Variants in AFAP1L2 observed in about 807,000 individuals in gnomAD.
AFAP1L2 encodes the protein actin filament-associated protein 1-like 2.
Under a neutral mutation model 99.3 loss-of-function variants are expected in AFAP1L2, and 46 were observed. The ratio of observed to expected loss-of-function variants is 0.46; its 90% CI spans 0.37 to 0.59. AFAP1L2 has a LOEUF of 0.59. Ranked by LOEUF, AFAP1L2 falls within the 20% of genes least tolerant of loss-of-function variation. The probability of loss-of-function intolerance (pLI) is 0.00; values close to 1 mark genes in which losing one functional copy is unlikely to be tolerated. For synonymous variants in AFAP1L2, 397 were observed against 419.1 expected, an observed-to-expected ratio of 0.95 and a Z score of 0.64; for missense variants, 959 against 1,034.9, an observed-to-expected ratio of 0.93 and a Z score of 1.01.
At chr10:114,318,786 C>A (rs1179063983) in intron 5 of AFAP1L2, among the ~76,000 whole-genome samples, 4 of 137,868 alleles carry the variant, frequency 2.9e-5, no homozygotes, top group Non-Finnish European at 4.8e-5. Flanking sequence ...CCTGGAGTAT[C>A]TTGGAGGAAA....
downstream of AFAP1L2, chr10:114,294,725 G>T: frequency 1.3e-6 from 1 of 758,942 alleles, no homozygotes. Context: ...TTCCTGCTAG[G>T]ATCCCATCTT....
At position 114,366,494 on chromosome 10, in the gene AFAP1L2, G is replaced by C. The variant is rs146366541; in HGVS notation, c.17-25763C>G. ...AAGACCAAAACCCGAGCCTGAAGAA[G>C]GAGGAAGAAAATATACTCCACACTT... On this transcript the variant is annotated intron_variant, in intron 1 of 18. Coordinates refer to ENST00000304129, the MANE Select transcript of AFAP1L2 (RefSeq NM_001001936.3). 1.4e-4 allele frequency among the ~76,000 whole-genome samples: 21 copies of C among 152,320 alleles called. No homozygotes were observed. The East Asian group carries it at 3.7e-3, about 27-fold the overall frequency.
At chr10:114,299,446 A>G (rs1366006546) in intron 15 of AFAP1L2, 31 bp from the exon 16 acceptor site, 1 of 1,612,748 alleles carries the variant, frequency 6.2e-7, no homozygotes, top group East Asian at 2.2e-5. Context: ...GCCCCAGGTA[A>G]GCAGAGCTGG....
intron 1 of AFAP1L2, chr10:114,362,874 C>A (rs1299495068): frequency 1.1e-6 from 1 of 891,318 alleles, no homozygotes; most frequent in Admixed American, 6.2e-5. Context: ...ACAAAAACTT[C>A]TGATTTGAAA....
At chr10:114,337,232 C>T (rs1330013994) in intron 2 of AFAP1L2, among the ~76,000 whole-genome samples, 2 of 152,212 alleles carry the variant, frequency 1.3e-5, no homozygotes, top group African/African-American at 2.4e-5. Context: ...CCCTCAGAGC[C>T]GTGTGCCCTC....
chr10:114,339,745 G>A lies in AFAP1L2; in HGVS notation c.145+858C>T, dbSNP rs372606221. The stretch of plus-strand genomic sequence containing the variant: ...AGAGGAGATTAAGGCCAGGCATGGT[G>A]GCTTACGCCTGTAATCCCAGCACTT... On this transcript the variant is annotated intron_variant, in intron 2 of 18. Coordinates refer to ENST00000304129, the MANE Select transcript of AFAP1L2 (RefSeq NM_001001936.3). 5.5e-4 allele frequency among the ~76,000 whole-genome samples: 84 copies of A among 152,204 alleles called. 1 individual carries two copies. Among genetic ancestry groups the A allele is most frequent in the African/African-American group, 1.9e-3 (78 of 41,452 alleles).
intron 2 of AFAP1L2, among the ~76,000 whole-genome samples, chr10:114,333,953 C>G (rs1237237929): frequency 6.6e-6 from 1 of 152,188 alleles, no homozygotes; most frequent in Non-Finnish European, 1.5e-5. Flanking sequence ...GTCTGAATTA[C>G]TTGAATGGGC....
intron 1 of AFAP1L2, among the ~76,000 whole-genome samples, chr10:114,370,902 C>T (rs2054003579): frequency 1.3e-5 from 2 of 152,168 alleles, no homozygotes; most frequent in Admixed American, 1.3e-4. Context: ...CCATAAATCC[C>T]ATGTAACCGT....
the AFAP1L2 span, among the ~76,000 whole-genome samples, chr10:114,284,336 T>C: frequency 6.6e-6 from 1 of 152,140 alleles, no homozygotes; most frequent in Non-Finnish European, 1.5e-5. Flanking sequence ...ACAGAACAAG[T>C]TCAGTTCCCA....
At chr10:114,303,147 G>A (rs555121072) in intron 11 of AFAP1L2, among the ~76,000 whole-genome samples, 48 of 152,080 alleles carry the variant, frequency 3.2e-4, no homozygotes, top group African/African-American at 1.1e-3. Flanking sequence ...CCTTTATAAT[G>A]AGAAAAAACT....
At chr10:114,323,302 T>C in intron 4 of AFAP1L2, 41 bp from the exon 5 acceptor site, 1 of 1,522,502 alleles carries the variant, frequency 6.6e-7, no homozygotes, top group Non-Finnish European at 8.9e-7. Flanking sequence ...GCAGATATGG[T>C]ACACTGGGAG....
At chr10:114,316,351 A>T (rs1409430646) in intron 5 of AFAP1L2, among the ~76,000 whole-genome samples, 1 of 152,188 alleles carries the variant, frequency 6.6e-6, no homozygotes, top group Non-Finnish European at 1.5e-5. Flanking sequence ...AAAAGTCCAA[A>T]TAAACCACAG....
At chr10:114,284,982 C>G in the AFAP1L2 span, 1 of 1,578,276 alleles carries the variant, frequency 6.3e-7, no homozygotes, top group Non-Finnish European at 8.6e-7. Context: ...TAGGTATGCA[C>G]CGGCCCTGCA....
chr10:114,282,570 A>G, the AFAP1L2 span: 1 of 1,613,832 alleles, frequency 6.2e-7, no homozygotes, highest in South Asian at 1.1e-5. Flanking sequence ...CCACCTGCCC[A>G]GGTATGGTCT....
intron 3 of AFAP1L2, among the ~76,000 whole-genome samples, chr10:114,332,384 C>T (rs2047367138): frequency 1.3e-5 from 2 of 152,234 alleles, no homozygotes; most frequent in Admixed American, 1.3e-4. Flanking sequence ...GCCACCAACC[C>T]TCGGTGCACT....
chr10:114,326,088 TC>T, intron 4 of AFAP1L2: 1 of 1,259,502 alleles, frequency 7.9e-7, no homozygotes. Context: ...CTGCAGGAGC[TC>T]CCCATGGGTC....
chr10:114,295,383 T>C lies in AFAP1L2; in HGVS notation c.*659A>G. 1 of 985,784 alleles carries C rather than the reference T, an allele frequency of 1.0e-6. No homozygotes were observed. The highest frequency in any genetic ancestry group is 1.2e-6 in the Non-Finnish European group (1 of 829,820). 61.1% of individuals were successfully genotyped at this position (985,784 alleles called of 1,614,324 possible). On this transcript the variant is annotated 3_prime_UTR_variant, in exon 19 of 19. Transcript: ENST00000304129. ...TAAAGACAGTTGATTCAGGCCTGCC[T>C]TGGACTGGAAAGAAGTCTTTAACTT...
At chr10:114,352,107 G>T (rs1340904174) in intron 1 of AFAP1L2, among the ~76,000 whole-genome samples, 2 of 152,112 alleles carry the variant, frequency 1.3e-5, no homozygotes, top group African/African-American at 2.4e-5. Context: ...CCTCTTATAA[G>T]AGTGGTAGAA....
At chr10:114,387,724 C>T (rs1387757952) in intron 1 of AFAP1L2, among the ~76,000 whole-genome samples, 1 of 152,208 alleles carries the variant, frequency 6.6e-6, no homozygotes, top group Non-Finnish European at 1.5e-5. Context: ...CACGAAGCCA[C>T]ACCCTGCAAC....
Sources: gnomAD v4.1 joint callset for allele counts (sites outside exome capture counted in the v4.1 genomes callset) on GRCh38, gnomAD v4.1.1 for gene constraint, MANE v1.5 for transcripts, NCBI Gene and HGNC (gene_info 2026-07-23, HGNC 2026-07-21) for gene names.